The following STAG2 variants were observed in gnomAD, a reference collection of about 807,000 sequenced individuals.
The protein encoded by STAG2 is cohesin subunit SA-2.
Under a neutral mutation model 108.1 loss-of-function variants are expected in STAG2, and 14 were observed. That is an observed-to-expected ratio of 0.13 (90% CI 0.09 to 0.20). The LOEUF is 0.20. STAG2 is among the 10% of genes least tolerant of loss of function. STAG2 has a pLI of 1.00. For missense variants in STAG2, 440 were observed against 940.9 expected (o/e 0.47, Z 6.96); for synonymous variants, 307 against 302.7 (o/e 1.01, Z -0.15).
At chrX:124,035,959 C>T (rs1357723391) in intron 5 of STAG2, among the ~76,000 whole-genome samples, 2 of 111,805 alleles carry the variant, frequency 1.8e-5, no homozygotes, top group African/African-American at 6.5e-5. Flanking sequence ...TAATTTGGGG[C>T]CATGTTTTAA....
At chrX:123,971,971 TTTA>T (rs1351167126) in intron 1 of STAG2, among the ~76,000 whole-genome samples, 2 of 111,964 alleles carry the variant, frequency 1.8e-5, no homozygotes, top group Non-Finnish European at 3.8e-5. Context: ...ATATCCCTCT[TTTA>T]TTGTGATTTT....
intron 15 of STAG2, 40 bp from the exon 16 acceptor site, chrX:124,061,184 G>A (rs773835349): frequency 5.0e-6 from 5 of 1,006,277 alleles, no homozygotes; most frequent in Non-Finnish European, 6.8e-6. Context: ...AGGCTAGTAT[G>A]ATAATTGTCT....
At chrX:124,081,776 G>C (rs1467645248) in intron 28 of STAG2, among the ~76,000 whole-genome samples, 1 of 111,800 alleles carries the variant, frequency 8.9e-6, no homozygotes, top group African/African-American at 3.3e-5. Context: ...GAGGCAGGAG[G>C]ATCACTTGAG....
chrX:124,091,835 A>G (rs1883121631), intron 32 of STAG2, among the ~76,000 whole-genome samples: 1 of 112,772 alleles, frequency 8.9e-6, no homozygotes. Context: ...TCAATGCTAA[A>G]AAAATGAAGT....
chrX:124,021,301 C>G (rs1045577572), intron 1 of STAG2, 66 bp from the exon 2 acceptor site: 5 of 111,280 alleles, frequency 4.5e-5, no homozygotes, highest in African/African-American at 1.6e-4. Flanking sequence ...AGGAGTTTGT[C>G]AGTATGTTAT....
intron 1 of STAG2, among the ~76,000 whole-genome samples, chrX:123,986,714 G>A (rs1425006192): frequency 8.9e-6 from 1 of 111,874 alleles, no homozygotes; most frequent in Non-Finnish European, 1.9e-5. Context: ...GAGATGAAAT[G>A]TACTTCATTA....
At chrX:124,017,900 C>G (rs1014235680) in intron 1 of STAG2, among the ~76,000 whole-genome samples, 1 of 111,819 alleles carries the variant, frequency 8.9e-6, no homozygotes, top group Non-Finnish European at 1.9e-5. Flanking sequence ...TTAGAAATAA[C>G]GCGATCATCT....
In STAG2 at chrX:124,055,996, G is replaced by GTT. The variant is rs33915304; in HGVS notation, c.1197-123_1197-122dup. ...ATGGTAATTAAATAAGCTTGATTTG[G>GTT]TTTTTTTTTTCCTTTAACACAAATT... On this transcript the variant is annotated intron_variant, in intron 13 of 34. Coordinates refer to ENST00000371145, the MANE Select transcript of STAG2 (RefSeq NM_001042750.2). 19,501 of 222,467 alleles carry GTT rather than the reference G, an allele frequency of 0.088. 118 individuals carry two copies. Among genetic ancestry groups the GTT allele is most frequent in the Non-Finnish European group, 0.1 (13,667 of 130,235 alleles). 18.3% of individuals were successfully genotyped at this position (222,467 alleles called of 1,213,427 possible).
intron 29 of STAG2, among the ~76,000 whole-genome samples, chrX:124,085,770 T>C (rs1361639222): frequency 3.2e-5 from 1 of 30,935 alleles, no homozygotes; most frequent in Non-Finnish European, 7.0e-5. Context: ...TGAGACTGTG[T>C]CTCAAAAAAA....
At chrX:123,962,541 G>T (rs1602593354) in intron 1 of STAG2, among the ~76,000 whole-genome samples, 1 of 110,834 alleles carries the variant, frequency 9.0e-6, no homozygotes, top group Admixed American at 9.6e-5. Context: ...AGTTTCATCC[G>T]GTTTGTGAGA....
At chrX:124,064,309 T>G (rs1461675502) in intron 20 of STAG2, among the ~76,000 whole-genome samples, 1 of 111,501 alleles carries the variant, frequency 9.0e-6, no homozygotes, top group African/African-American at 3.3e-5. Flanking sequence ...GTTACCTGGT[T>G]TTTATTGAAC....
intron 1 of STAG2, among the ~76,000 whole-genome samples, chrX:123,969,964 T>TTG (rs1306181314): frequency 2.5e-4 from 25 of 101,939 alleles, no homozygotes; most frequent in African/African-American, 8.9e-4. Context: ...TTTTTTTTTT[T>TTG]TTTTTTTTTT....
chrX:123,983,993 T>TTTTTTTTTTG (rs1952010092), intron 1 of STAG2, among the ~76,000 whole-genome samples: 1 of 88,591 alleles, frequency 1.1e-5, no homozygotes, highest in East Asian at 3.8e-4. Context: ...TTTTTTTTTT[T>TTTTTTTTTTG]TTGAGACGGG....
intron 1 of STAG2, among the ~76,000 whole-genome samples, chrX:123,987,074 C>T (rs1246711719): frequency 1.8e-5 from 2 of 109,866 alleles, no homozygotes; most frequent in Admixed American, 9.7e-5. Context: ...CTCACTGCAA[C>T]CTCCACCCCC....
chrX:124,047,146 C>G (rs775288981), intron 8 of STAG2, among the ~76,000 whole-genome samples: 4 of 111,380 alleles, frequency 3.6e-5, no homozygotes, highest in African/African-American at 6.5e-5. Context: ...TAATACTTAC[C>G]TTTGAGAGGG....
chrX:123,984,141 G>A (rs774794488), intron 1 of STAG2, among the ~76,000 whole-genome samples: 27 of 107,320 alleles, frequency 2.5e-4, no homozygotes, highest in African/African-American at 6.1e-4. Context: ...CACCATGCCC[G>A]GCTAATTTTG....
chrX:123,982,915 G>A (rs968905316), intron 1 of STAG2, among the ~76,000 whole-genome samples: 3 of 110,259 alleles, frequency 2.7e-5, no homozygotes, highest in African/African-American at 6.6e-5. Flanking sequence ...TTGGAATCAC[G>A]CTGTCAGTCA....
intron 1 of STAG2, among the ~76,000 whole-genome samples, chrX:124,004,982 A>G (rs2056218058): frequency 9.0e-6 from 1 of 111,622 alleles, no homozygotes; most frequent in African/African-American, 3.3e-5. Context: ...ACCCTCGATG[A>G]TACCAAAATC....
chrX:124,089,670 C>T (rs1397762563), intron 30 of STAG2, among the ~76,000 whole-genome samples: 1 of 111,689 alleles, frequency 9.0e-6, no homozygotes, highest in Admixed American at 9.5e-5. Context: ...CAAATTGCTT[C>T]CCTACCTTAA....
Sources: gnomAD v4.1 joint callset for allele counts (sites outside exome capture counted in the v4.1 genomes callset) on GRCh38, gnomAD v4.1.1 for gene constraint, MANE v1.5 for transcripts, NCBI Gene and HGNC (gene_info 2026-07-23, HGNC 2026-07-21) for gene names.